Variants in LRMDA observed in about 807,000 individuals in gnomAD.
The protein encoded by LRMDA is leucine rich melanocyte differentiation associated.
LRMDA carries 18 observed loss-of-function variants against 29.8 expected under a neutral mutation model. That is an observed-to-expected ratio of 0.60 (90% CI 0.42 to 0.90). LRMDA has a LOEUF of 0.90. LRMDA is among the 40% of genes least tolerant of loss of function. LRMDA has a pLI of 0.00. For synonymous variants in LRMDA, 125 were observed against 109.4 expected, an observed-to-expected ratio of 1.14 and a Z score of -0.89; for missense variants, 273 against 273.9, an observed-to-expected ratio of 1.00 and a Z score of 0.02.
At chr10:76,211,252 T>C (rs1851628496) in intron 5 of LRMDA, among the ~76,000 whole-genome samples, 1 of 152,270 alleles carries the variant, frequency 6.6e-6, no homozygotes. Context: ...CTTCCTGGAC[T>C]GCACTTGTCA....
intron 2 of LRMDA, among the ~76,000 whole-genome samples, chr10:75,574,837 TA>T (rs1840482948): frequency 6.6e-6 from 1 of 152,174 alleles, no homozygotes. Context: ...ACCTCATATT[TA>T]AAACTGCTGT....
chr10:76,082,460 G>A lies in LRMDA; in HGVS notation c.516+23677G>A, dbSNP rs1035995569. Among the ~76,000 whole-genome samples, 4 of 151,950 alleles carry A rather than the reference G, an allele frequency of 2.6e-5. No individual in the cohort carries two copies. The East Asian group carries it at 5.8e-4, about 22-fold the overall frequency. ...TTTGCCCGTGGGTTTCTGGTGGGAG[G>A]AGCGAGAACTAGGCAGCCTTTGTAC... On this transcript the variant is annotated intron_variant, in intron 5 of 6. Transcript: ENST00000611255.
intron 6 of LRMDA, among the ~76,000 whole-genome samples, chr10:76,410,388 A>C (rs1388237200): frequency 7.5e-6 from 1 of 133,746 alleles, no homozygotes; most frequent in East Asian, 2.2e-4. Context: ...GGCTCGCTGC[A>C]GTATCAACCT....
chr10:75,552,659 T>C, intron 2 of LRMDA: 3 of 358,914 alleles, frequency 8.4e-6, no homozygotes, highest in South Asian at 6.1e-5. Flanking sequence ...TCTTCAAACT[T>C]TTTTTTTCTG....
chr10:76,206,755 C>G (rs1313180476), intron 5 of LRMDA, among the ~76,000 whole-genome samples: 1 of 152,148 alleles, frequency 6.6e-6, no homozygotes, highest in Non-Finnish European at 1.5e-5. Context: ...TAACCACTTT[C>G]CCCTCTCATG....
chr10:75,681,682 T>C (rs186356233), intron 2 of LRMDA, among the ~76,000 whole-genome samples: 2 of 152,270 alleles, frequency 1.3e-5, no homozygotes, highest in East Asian at 3.9e-4. Flanking sequence ...CACAGCGAAA[T>C]TTCGTTGTCC....
intron 2 of LRMDA, among the ~76,000 whole-genome samples, chr10:75,775,966 G>GC (rs1253793758): frequency 6.6e-6 from 1 of 152,190 alleles, no homozygotes; most frequent in African/African-American, 2.4e-5. Flanking sequence ...AGGACACTGA[G>GC]CCTGCTATGA....
chr10:75,976,001 A>G (rs991025169), intron 2 of LRMDA, among the ~76,000 whole-genome samples: 3 of 152,108 alleles, frequency 2.0e-5, no homozygotes, highest in Admixed American at 1.3e-4. Context: ...CCTACAATCT[A>G]TTTGCCACAT....
At chr10:76,301,280 T>TC (rs1488152233) in intron 5 of LRMDA, among the ~76,000 whole-genome samples, 1 of 152,216 alleles carries the variant, frequency 6.6e-6, no homozygotes, top group Non-Finnish European at 1.5e-5. Flanking sequence ...AGGAAATAAC[T>TC]CATGCTGTTA....
At chr10:75,840,236 A>G (rs564391986) in intron 2 of LRMDA, among the ~76,000 whole-genome samples, 5 of 150,472 alleles carry the variant, frequency 3.3e-5, no homozygotes, top group African/African-American at 1.2e-4. Flanking sequence ...CAGGCTTCTC[A>G]TCTTGATCCT....
chr10:76,515,371 T>A (rs1310670943), intron 6 of LRMDA, among the ~76,000 whole-genome samples: 1 of 152,224 alleles, frequency 6.6e-6, no homozygotes, highest in Non-Finnish European at 1.5e-5. Flanking sequence ...CTTTCATTAG[T>A]TAAATATGAT....
At chr10:75,707,068 C>T (rs1842378929) in intron 2 of LRMDA, among the ~76,000 whole-genome samples, 4 of 152,096 alleles carry the variant, frequency 2.6e-5, no homozygotes, top group Admixed American at 1.3e-4. Context: ...TGCCTTGGGG[C>T]GTTGGAGATT....
At chr10:75,887,460 C>A (rs1845409798) in intron 2 of LRMDA, among the ~76,000 whole-genome samples, 1 of 152,070 alleles carries the variant, frequency 6.6e-6, no homozygotes. Flanking sequence ...TTCCCCCGAA[C>A]ATCATCTCTG....
intron 2 of LRMDA, among the ~76,000 whole-genome samples, chr10:75,532,743 T>A (rs1845492830): frequency 6.6e-6 from 1 of 152,046 alleles, no homozygotes; most frequent in Non-Finnish European, 1.5e-5. Flanking sequence ...TCAGATCCAC[T>A]TTGTTAGAAA....
intron 2 of LRMDA, among the ~76,000 whole-genome samples, chr10:75,943,346 T>G (rs1010665812): frequency 6.6e-6 from 1 of 152,144 alleles, no homozygotes; most frequent in East Asian, 1.9e-4. Flanking sequence ...GTGATGAAAG[T>G]ACTATTCTCC....
intron 5 of LRMDA, among the ~76,000 whole-genome samples, chr10:76,180,429 G>A (rs926909482): frequency 1.2e-4 from 18 of 151,548 alleles, no homozygotes; most frequent in Non-Finnish European, 1.5e-4. Flanking sequence ...ACAGGTGCCC[G>A]CCACCACACC....
At chr10:75,926,343 T>C (rs1185614290) in intron 2 of LRMDA, among the ~76,000 whole-genome samples, 1 of 152,192 alleles carries the variant, frequency 6.6e-6, no homozygotes, top group Non-Finnish European at 1.5e-5. Flanking sequence ...TCTTTCCTGG[T>C]CACAAAAGTT....
chr10:75,778,198 C>G (rs546721844), intron 2 of LRMDA, among the ~76,000 whole-genome samples: 1 of 152,166 alleles, frequency 6.6e-6, no homozygotes, highest in African/African-American at 2.4e-5. Flanking sequence ...CTGCCTCAGC[C>G]CCCTGAGTAG....
chr10:75,669,795 A>G (rs976687496), intron 2 of LRMDA, among the ~76,000 whole-genome samples: 1 of 152,230 alleles, frequency 6.6e-6, no homozygotes, highest in East Asian at 1.9e-4. Flanking sequence ...TGATTTTTGT[A>G]ATATAAAGAC....
Sources: gnomAD v4.1 joint callset for allele counts (sites outside exome capture counted in the v4.1 genomes callset) on GRCh38, gnomAD v4.1.1 for gene constraint, MANE v1.5 for transcripts, NCBI Gene and HGNC (gene_info 2026-07-23, HGNC 2026-07-21) for gene names.